The following JMJD7 variants were observed in gnomAD, a reference collection of about 807,000 sequenced individuals.
The protein encoded by JMJD7 is bifunctional peptidase and (3S)-lysyl hydroxylase JMJD7.
Under a neutral mutation model 41.1 loss-of-function variants are expected in JMJD7, and 41 were observed. The ratio of observed to expected loss-of-function variants is 1.00; its 90% CI spans 0.78 to 1.30. The LOEUF (loss-of-function observed/expected upper bound fraction) is 1.30. JMJD7 is among the 50% of genes most tolerant of loss of function. The pLI is 0.00. For synonymous variants in JMJD7, 202 were observed against 177.2 expected (o/e 1.14, Z -1.11); for missense variants, 480 against 420.7 (o/e 1.14, Z -1.23).
chr15:41,837,358 A>C lies in JMJD7; in HGVS notation c.*202A>C, dbSNP rs2065340803. On this transcript the variant is annotated 3_prime_UTR_variant, in exon 8 of 8. Transcript: ENST00000397299. ...CAGGCAGGTCTGGGTGAGGGTTCTC[A>C]GGAAGTTGCCACACAGGTGAGCAGA... 2 of 586,470 alleles carry C rather than the reference A, an allele frequency of 3.4e-6. No homozygotes were observed. Among genetic ancestry groups the C allele is most frequent in the Non-Finnish European group, 6.1e-6 (2 of 329,284 alleles). The allele number at this position is 586,470 out of a possible 1,614,324, so 36.3% of individuals were successfully genotyped here.
At chr15:41,835,849 C>T (rs570764000) in intron 4 of JMJD7, among the ~76,000 whole-genome samples, 1 of 152,288 alleles carries the variant, frequency 6.6e-6, no homozygotes, top group African/African-American at 2.4e-5. Context: ...GGGGCGGGTG[C>T]ATTGTTTCTT....
intron 1 of JMJD7, among the ~76,000 whole-genome samples, chr15:41,830,703 G>A (rs1274682132): frequency 6.6e-6 from 1 of 152,234 alleles, no homozygotes; most frequent in Non-Finnish European, 1.5e-5. Context: ...GCTGCCGCAG[G>A]CTTGGAAGTG....
chr15:41,828,274 G>C (rs887428161), intron 1 of JMJD7, 86 bp downstream of exon 1: 3 of 1,418,556 alleles, frequency 2.1e-6, no homozygotes, highest in Non-Finnish European at 1.8e-6. Context: ...TCGGAACCTC[G>C]TGTGTGCGAC....
chr15:41,836,706 G>A, intron 6 of JMJD7, 75 bp from the exon 7 acceptor site: 1 of 1,506,156 alleles, frequency 6.6e-7, no homozygotes, highest in African/African-American at 1.4e-5. Context: ...CTGTGGTGTT[G>A]ACCTTTGGAA....
chr15:41,833,387 GAAATAC>G (rs2065256716), intron 1 of JMJD7, among the ~76,000 whole-genome samples: 1 of 105,532 alleles, frequency 9.5e-6, no homozygotes, highest in South Asian at 3.5e-4. Context: ...TTATGTAGGT[GAAATAC>G]ATATATATAT....
rs1296560746 is a variant in JMJD7 at position 41,835,658 on chromosome 15, G to A, written c.529+14G>A. On this transcript the variant is annotated intron_variant, in intron 4 of 7. Transcript: ENST00000397299. The stretch of plus-strand genomic sequence containing the variant: ...CAGTGACTTCTTGTAGGTGTAAGGG[G>A]AATACAAAGGTGGGGAAGGAGCAGG... The A allele has an allele frequency of 6.2e-7, 1 of 1,611,232 alleles. No individual in the cohort carries two copies. The highest frequency in any genetic ancestry group is 1.7e-5 in the Admixed American group (1 of 59,576).
At chr15:41,832,273 C>T (rs1054950478) in intron 1 of JMJD7, among the ~76,000 whole-genome samples, 4 of 152,250 alleles carry the variant, frequency 2.6e-5, no homozygotes, top group African/African-American at 9.6e-5. Flanking sequence ...GAGCTGAGCA[C>T]AGCCTGCAGG....
At position 41,837,197 on chromosome 15, in the gene JMJD7, G is replaced by T. The variant is rs756572936; in HGVS notation, c.*41G>T. 1 of 1,419,512 alleles carries T rather than the reference G, an allele frequency of 7.0e-7. No individual in the cohort carries two copies. The allele number at this position is 1,419,512 out of a possible 1,614,324, so 87.9% of individuals were successfully genotyped here. ...CACCACCAAGCACGCCTCGGGGGAC[G>T]GAGCCAGCCCCTCCCTGGCCAGGTC... On this transcript the variant is annotated 3_prime_UTR_variant, in exon 8 of 8. Transcript: ENST00000397299.
At chr15:41,835,765 T>G in intron 4 of JMJD7, 121 bp downstream of exon 4, 5 of 1,299,428 alleles carry the variant, frequency 3.8e-6, no homozygotes, top group Non-Finnish European at 5.3e-6. Flanking sequence ...AAGATTTCTT[T>G]TGGCTTCTAG....
At position 41,837,350 on chromosome 15, in the gene JMJD7, G is replaced by C. The variant is rs773015341; in HGVS notation, c.*194G>C. 5.1e-6 allele frequency: 3 copies of C among 589,130 alleles called. No individual in the cohort carries two copies. Among genetic ancestry groups the C allele is most frequent in the Admixed American group, 3.1e-5 (1 of 32,348 alleles). The allele number at this position is 589,130 out of a possible 1,614,324, so 36.5% of individuals were successfully genotyped here. A position where few individuals can be genotyped will look rare whatever the true frequency, so the allele number is the denominator to read the frequency against. On this transcript the variant is annotated 3_prime_UTR_variant, in exon 8 of 8. Transcript: ENST00000397299. ...CAAGGTGCCAGGCAGGTCTGGGTGA[G>C]GGTTCTCAGGAAGTTGCCACACAGG...
chr15:41,837,471 A>G lies in JMJD7; in HGVS notation c.*315A>G. ...TCGGGCATTGGTGTCCTGTCAGTAAAGAGATAATAATGGCTGTACCTCGCG... is the reference window on the plus strand; with the variant it reads ...TCGGGCATTGGTGTCCTGTCAGTAAGGAGATAATAATGGCTGTACCTCGCG... On this transcript the variant is annotated 3_prime_UTR_variant, in exon 8 of 8. Coordinates refer to ENST00000397299, the MANE Select transcript of JMJD7 (RefSeq NM_001114632.2). The G allele has an allele frequency of 2.3e-6, 1 of 431,278 alleles. No individual in the cohort carries two copies. The highest frequency in any genetic ancestry group is 4.2e-6 in the Non-Finnish European group (1 of 240,550). The allele number at this position is 431,278 out of a possible 1,614,324, so 26.7% of individuals were successfully genotyped here. A position where few individuals can be genotyped will look rare whatever the true frequency, so the allele number is the denominator to read the frequency against.
At chr15:41,829,684 CAGCCATTCTCTAAAGGAAATGG>C in intron 1 of JMJD7, among the ~76,000 whole-genome samples, 1 of 152,200 alleles carries the variant, frequency 6.6e-6, no homozygotes, top group South Asian at 2.1e-4. Context: ...GAGAGGAAAG[CAGCCATTCTCTAAAGGAAATGG>C]TGAGCAAGTA....
At position 41,835,601 on chromosome 15, in the gene JMJD7, T is replaced by A. The variant is rs754724654; in HGVS notation, c.486T>A (p.Asp162Glu). 1 of 1,613,876 alleles carries A rather than the reference T, an allele frequency of 6.2e-7. No individual in the cohort carries two copies. Residue 162 changes from aspartate (D) to glutamate (E), a missense_variant, in exon 4 of 8, where the codon GAT becomes GAA. Asp to Glu is a conservative substitution (Grantham distance 45). Transcript: ENST00000397299. ...WASEALGKMP[D>E]AVNFWLGEAA... ...TCTGCCCTGCAGGAAAGATGCCCGA[T>A]GCTGTGAACTTCTGGCTGGGGGAGG...
At chr15:41,833,416 T>A (rs2438335) in intron 1 of JMJD7, among the ~76,000 whole-genome samples, 601 of 17,818 alleles carry the variant, frequency 0.034, 3 homozygotes, top group Non-Finnish European at 0.048. Flanking sequence ...ATATATATAT[T>A]TTTTTTTTTT....
chr15:41,836,684 GCCAAGCAGGGC>G, intron 6 of JMJD7, 86 bp from the exon 7 acceptor site: 1 of 1,478,842 alleles, frequency 6.8e-7, no homozygotes, highest in Non-Finnish European at 9.0e-7. Context: ...TCACTGCTGA[GCCAAGCAGGGC>G]CTGTGGTGTT....
chr15:41,828,374 C>A, intron 1 of JMJD7, 186 bp downstream of exon 1: 2 of 663,972 alleles, frequency 3.0e-6, no homozygotes, highest in Non-Finnish European at 4.5e-6. Context: ...CTGGGTGATT[C>A]TGTTCACGTT....
At chr15:41,833,411 T>TAC (rs1567164812) in intron 1 of JMJD7, among the ~76,000 whole-genome samples, 10 of 56,352 alleles carry the variant, frequency 1.8e-4, no homozygotes, top group African/African-American at 5.9e-4. Flanking sequence ...TATATATATA[T>TAC]ATATTTTTTT....
At chr15:41,835,268 G>T in intron 3 of JMJD7, 45 bp downstream of exon 3, 2 of 1,565,694 alleles carry the variant, frequency 1.3e-6, no homozygotes, top group Non-Finnish European at 8.6e-7. Flanking sequence ...GGGAAGATAT[G>T]GGAAGGAGGG....
At chr15:41,832,735 GGTGA>G (rs2065247312) in intron 1 of JMJD7, among the ~76,000 whole-genome samples, 1 of 152,350 alleles carries the variant, frequency 6.6e-6, no homozygotes, top group Middle Eastern at 3.4e-3. Context: ...AGAAAGTAAA[GGTGA>G]CTGGCATGGT....
Sources: gnomAD v4.1 joint callset for allele counts (sites outside exome capture counted in the v4.1 genomes callset) on GRCh38, gnomAD v4.1.1 for gene constraint, MANE v1.5 for transcripts, NCBI Gene and HGNC (gene_info 2026-07-23, HGNC 2026-07-21) for gene names.